The following PCDHGA7 variants were observed in gnomAD, a reference collection of about 807,000 sequenced individuals.
PCDHGA7 encodes the protein protocadherin gamma-A7.
Under a neutral mutation model 58.3 loss-of-function variants are expected in PCDHGA7, and 44 were observed. The ratio of observed to expected loss-of-function variants is 0.75; its 90% CI spans 0.59 to 0.97. The LOEUF is 0.97. Among genes scored for constraint, PCDHGA7 ranks in the 50% least tolerant of loss-of-function variants. The pLI is 0.00. For missense variants in PCDHGA7, 1,266 were observed against 1,188.7 expected, an observed-to-expected ratio of 1.06 and a Z score of -0.96; for synonymous variants, 516 against 504.2, an observed-to-expected ratio of 1.02 and a Z score of -0.31.
At position 141,431,823 on chromosome 5, in the gene PCDHGA7, CG is replaced by C. The variant is rs754257436; in HGVS notation, c.2424+46502del. ...GTGGTCCTCACCTCTCTCGCCAGCTCGGTTCCCGAAAACTCTCCCAGAGGGA... is the reference window on the plus strand; with the variant it reads ...GTGGTCCTCACCTCTCTCGCCAGCTCGTTCCCGAAAACTCTCCCAGAGGGA... On this transcript the variant is annotated intron_variant, in intron 1 of 3. Transcript: ENST00000518325. The surrounding 1 kb of genome is among the most constrained non-coding windows in gnomAD (Gnocchi z 4.8). 2.5e-6 allele frequency: 4 copies of C among 1,614,142 alleles called. No homozygotes were observed. In the East Asian group the frequency reaches 8.9e-5, roughly 36 times the overall value.
chr5:141,497,954 G>A (rs1203635313), intron 2 of PCDHGA7, among the ~76,000 whole-genome samples: 7 of 152,198 alleles, frequency 4.6e-5, no homozygotes, highest in Non-Finnish European at 1.5e-5. Context: ...CTTTCTGTTG[G>A]CCAGGCAGTG....
In PCDHGA7 at chr5:141,510,929, C is replaced by T. The variant is rs1238694958; in HGVS notation, c.2573-18C>T. The T allele has an allele frequency of 3.1e-6, 5 of 1,613,988 alleles. No homozygotes were observed. The highest frequency in any genetic ancestry group is 4.2e-6 in the Non-Finnish European group (5 of 1,179,988). On this transcript the variant is annotated intron_variant, in intron 3 of 3. Coordinates refer to ENST00000518325, the MANE Select transcript of PCDHGA7 (RefSeq NM_018920.4). ...ACCCTAAGTTTAGCTCCCACCTGAT[C>T]TTCCTCTGTCTCTGCAGAAGCTGCT...
rs1465826601 is a variant in PCDHGA7, at chr5:141,384,315, C to G, written c.1416C>G (p.Phe472Leu). The change falls in exon 1 of 4, where the codon TTC becomes TTG. Residue 472 changes from phenylalanine (F) to leucine (L), a missense_variant. Transcript: ENST00000518325. Reference sequence around the variant, plus strand: ...ACAACCCCAGAGGGGCCTCCATTTTCTTAGTGACTGCACAGGACCACGACA... The same window carrying G: ...ACAACCCCAGAGGGGCCTCCATTTTGTTAGTGACTGCACAGGACCACGACA... ...AENNPRGASI[F>L]LVTAQDHDSE... 6.2e-7 allele frequency: 1 copy of G among 1,613,878 alleles called. No individual in the cohort carries two copies. The highest frequency in any genetic ancestry group is 8.5e-7 in the Non-Finnish European group (1 of 1,179,890).
In PCDHGA7 at chr5:141,461,039, C is replaced by T. The variant is rs1026091108; in HGVS notation, c.2425-33768C>T. On this transcript the variant is annotated intron_variant, in intron 1 of 3. Coordinates refer to ENST00000518325, the MANE Select transcript of PCDHGA7 (RefSeq NM_018920.4). ...ACATTTTCTTTATCCACTCATTAGT[C>T]GATGGGGACTTAGGTTGGTTTCACA... is the stretch of plus-strand genomic sequence containing the variant. 2.7e-5 allele frequency among the ~76,000 whole-genome samples: 4 copies of T among 150,906 alleles called. No homozygotes were observed. In the East Asian group the frequency reaches 7.8e-4, roughly 29 times the overall value.
chr5:141,419,741 A>C (rs769795920), intron 1 of PCDHGA7: 2 of 1,613,856 alleles, frequency 1.2e-6, no homozygotes, highest in Admixed American at 1.7e-5. Context: ...CGAGGTGCGC[A>C]TGGTGCGTGC....
intron 1 of PCDHGA7, among the ~76,000 whole-genome samples, chr5:141,438,216 T>A (rs2097938802): frequency 6.6e-6 from 1 of 152,158 alleles, no homozygotes; most frequent in Non-Finnish European, 1.5e-5. Flanking sequence ...TGGGAAGGGC[T>A]CTGGTTCAGG....
rs943867570 is a variant in PCDHGA7 at position 141,493,651 on chromosome 5, T to C, written c.2425-1156T>C. On this transcript the variant is annotated intron_variant, in intron 1 of 3. Coordinates refer to ENST00000518325, the MANE Select transcript of PCDHGA7 (RefSeq NM_018920.4). The surrounding 1 kb of genome is among the most constrained non-coding windows in gnomAD (Gnocchi z 4.3). ...AGTGGCTGAGGGCTGGCCATCCCTGTGCCCTTCTCCATGGCAGCCCCAGAA... is the reference window on the plus strand; with the variant it reads ...AGTGGCTGAGGGCTGGCCATCCCTGCGCCCTTCTCCATGGCAGCCCCAGAA... Among the ~76,000 whole-genome samples, 1 of 152,204 alleles carries C rather than the reference T, an allele frequency of 6.6e-6. No individual in the cohort carries two copies. The highest frequency in any genetic ancestry group is 1.5e-5 in the Non-Finnish European group (1 of 68,030).
Position 141,486,390 on chromosome 5 carries a change from C to T in PCDHGA7, c.2425-8417C>T. 6.2e-7 allele frequency: 1 copy of T among 1,614,138 alleles called. No homozygotes were observed. The highest frequency in any genetic ancestry group is 1.1e-5 in the South Asian group (1 of 91,084). On this transcript the variant is annotated intron_variant, in intron 1 of 3. Coordinates refer to ENST00000518325, the MANE Select transcript of PCDHGA7 (RefSeq NM_018920.4). This position sits in a 1 kb window ranked among gnomAD's most constrained non-coding sequence, Gnocchi z 5.0. ...AAGTCTGCCTTCAGGAACCAGTTCTCCCTGGTGACTGCTGGACCCTTGGAT... is the reference window on the plus strand; with the variant it reads ...AAGTCTGCCTTCAGGAACCAGTTCTTCCTGGTGACTGCTGGACCCTTGGAT...
intron 1 of PCDHGA7, chr5:141,441,925 T>C (rs926242217): frequency 2.8e-6 from 1 of 353,614 alleles, no homozygotes; most frequent in Non-Finnish European, 5.4e-6. Flanking sequence ...ACACAATGCG[T>C]GGCTGTCCTA....
At chr5:141,395,198 A>G (rs2093194899) in intron 1 of PCDHGA7, 1 of 1,613,990 alleles carries the variant, frequency 6.2e-7, no homozygotes, top group Non-Finnish European at 8.5e-7. Flanking sequence ...TAACATCCGT[A>G]GATTTTCATG....
At chr5:141,457,330 A>G (rs2098916985) in intron 1 of PCDHGA7, among the ~76,000 whole-genome samples, 1 of 152,174 alleles carries the variant, frequency 6.6e-6, no homozygotes, top group Non-Finnish European at 1.5e-5. Flanking sequence ...GGTTACAGGT[A>G]CCTTACTTAC....
intron 1 of PCDHGA7, among the ~76,000 whole-genome samples, chr5:141,468,952 G>GTT (rs34870721): frequency 3.3e-5 from 5 of 151,198 alleles, no homozygotes; most frequent in Admixed American, 6.6e-5. Flanking sequence ...TAAACCTGTG[G>GTT]TTTTTTTTAC....
At chr5:141,480,653 T>C (rs1214823403) in intron 1 of PCDHGA7, among the ~76,000 whole-genome samples, 2 of 152,190 alleles carry the variant, frequency 1.3e-5, no homozygotes, top group Admixed American at 1.3e-4. Context: ...TGGTTGCACA[T>C]TAAAATCACC....
At chr5:141,441,308 C>T (rs984341964) in intron 1 of PCDHGA7, 2 of 152,164 alleles carry the variant, frequency 1.3e-5, no homozygotes, top group African/African-American at 2.4e-5. Flanking sequence ...TAAGAAAATG[C>T]ACCTTGAGAA....
rs1439786491 is a variant in PCDHGA7 at position 141,399,634 on chromosome 5, A to G, written c.2424+14311A>G. 9 of 1,613,742 alleles carry G rather than the reference A, an allele frequency of 5.6e-6. No individual in the cohort carries two copies. The highest frequency in any genetic ancestry group is 1.3e-5 in the African/African-American group (1 of 74,954). On this transcript the variant is annotated intron_variant, in intron 1 of 3. Transcript: ENST00000518325. ...TCTGGCACTGGCCTCTTACGTGTCC[A>G]TGAGCGCGCAAAGTGGGGTGGTGTT...
intron 1 of PCDHGA7, chr5:141,389,276 G>A (rs375882135): frequency 8.7e-6 from 14 of 1,613,858 alleles, no homozygotes; most frequent in Admixed American, 1.7e-5. Flanking sequence ...AGAACAACCC[G>A]CCTGGAGCCT....
intron 2 of PCDHGA7, among the ~76,000 whole-genome samples, chr5:141,504,788 TC>T (rs1235410120): frequency 6.6e-6 from 1 of 152,070 alleles, no homozygotes; most frequent in Non-Finnish European, 1.5e-5. Context: ...TCTTGGGGCC[TC>T]CTACATCTCC....
At chr5:141,459,603 A>G (rs867387156) in intron 1 of PCDHGA7, among the ~76,000 whole-genome samples, 1 of 152,244 alleles carries the variant, frequency 6.6e-6, no homozygotes, top group Non-Finnish European at 1.5e-5. Flanking sequence ...AATGGGAAGT[A>G]TATGCTTAAC....
Position 141,505,350 on chromosome 5 carries a change from G to A in PCDHGA7, c.2484-43G>A, listed in dbSNP as rs367663588. ...AGAGGACAGGAGGGGCATGAGCTGT[G>A]CCGGCCTGGGAGTCTGTGCTCACCA... On this transcript the variant is annotated intron_variant, in intron 2 of 3. Transcript: ENST00000518325. The A allele has an allele frequency of 4.3e-6, 7 of 1,613,264 alleles. No homozygotes were observed. In the African/African-American group the frequency reaches 6.7e-5, roughly 15 times the overall value.
Sources: allele counts gnomAD v4.1 joint callset (sites outside exome capture counted in the v4.1 genomes callset), GRCh38; gene constraint gnomAD v4.1.1; non-coding constraint Gnocchi (gnomAD v3.1); transcripts MANE v1.5; gene names NCBI Gene and HGNC (gene_info 2026-07-23, HGNC 2026-07-21).